DBN1: variants seen among roughly 807,000 people sequenced by gnomAD.
DBN1 encodes the protein drebrin 1, also known as drebrin.
A neutral mutation model predicts 83.5 loss-of-function variants in DBN1; 21 were observed. The observed-to-expected ratio is 0.25, with a 90% CI of 0.18 to 0.36. The LOEUF is 0.36. Ranked by LOEUF, DBN1 falls within the 10% of genes least tolerant of loss-of-function variation. DBN1 has a pLI of 1.00. For synonymous variants in DBN1, 381 were observed against 384.9 expected, an observed-to-expected ratio of 0.99 and a Z score of 0.12; for missense variants, 874 against 935.7, an observed-to-expected ratio of 0.93 and a Z score of 0.86.
In DBN1 at chr5:177,467,357, A is replaced by C; in HGVS notation, c.478-25T>G. On this transcript the variant is annotated intron_variant, in intron 5 of 14. Transcript: ENST00000393565. The surrounding 1 kb of genome is among the most constrained non-coding windows in gnomAD (Gnocchi z 9.1). The stretch of plus-strand genomic sequence containing the variant: ...CCTGCAGTGTCGAAGGACCCAGCAT[A>C]AGCAGGCTGAATGCCCCAGGAACCC... The C allele has an allele frequency of 6.2e-7, 1 of 1,614,010 alleles. No homozygotes were observed. Among genetic ancestry groups the C allele is most frequent in the Non-Finnish European group, 8.5e-7 (1 of 1,179,910 alleles).
Position 177,458,407 on chromosome 5 carries a change from A to G in DBN1, c.1565T>C (p.Ile522Thr), listed in dbSNP as rs765842985. 9 of 1,614,020 alleles carry G rather than the reference A, an allele frequency of 5.6e-6. No homozygotes were observed. Among genetic ancestry groups the G allele is most frequent in the Middle Eastern group, 3.3e-4 (2 of 6,084 alleles). Residue 522 changes from isoleucine to threonine, a missense_variant, in exon 13 of 15, where the codon ATT becomes ACT. Physicochemically the swap from Ile to Thr is moderately conservative, Grantham distance 89. Around this residue, in one of 4 missense-constraint regions of DBN1, gnomAD observed 725 missense variants for 719.7 expected, o/e 1.01. Coordinates refer to ENST00000393565, the MANE Select transcript of DBN1 (RefSeq NM_001363541.2). ...TTCCCCGTTGCCAGGCCATAGGTCA[A>G]TGAGGCTGGTGGCGGCGGGGGGTAC... ...NNVPPAATSL[I>T]DLWPGNGEGA...
chr5:177,468,715 G>A (rs530064360), intron 2 of DBN1, 129 bp downstream of exon 2: 255 of 547,456 alleles, frequency 4.7e-4, no homozygotes, highest in Non-Finnish European at 6.4e-4. Flanking sequence ...AAGGACACCC[G>A]CCAGATCCAG....
intron 1 of DBN1, chr5:177,472,041 A>G: frequency 1.3e-6 from 2 of 1,496,218 alleles, no homozygotes; most frequent in East Asian, 2.5e-5. Flanking sequence ...CCATGATCTC[A>G]GCCCCCCTGG....
rs1756523175 is a variant in DBN1, at chr5:177,456,769, C to A, written c.*664G>T. The A allele has an allele frequency of 6.6e-6, 1 of 152,624 alleles. No individual in the cohort carries two copies. Among genetic ancestry groups the A allele is most frequent in the South Asian group, 2.0e-4 (1 of 4,956 alleles). The allele number at this position is 152,624 out of a possible 1,614,324, so 9.5% of individuals were successfully genotyped here. On this transcript the variant is annotated 3_prime_UTR_variant, in exon 15 of 15. Transcript: ENST00000393565. ...AGTTGGGGAGGGGCCACCAAAGCCC[C>A]TGGGCCCCATCCATAGCCCTGACCT... is the stretch of plus-strand genomic sequence containing the variant.
intron 1 of DBN1, chr5:177,472,047 C>G: frequency 2.6e-6 from 4 of 1,516,998 alleles, no homozygotes; most frequent in East Asian, 2.5e-5. Flanking sequence ...TCTCAGCCCC[C>G]CTGGGGCAGG....
Position 177,458,257 on chromosome 5 carries a change from C to A in DBN1, c.1715G>T (p.Gly572Val), listed in dbSNP as rs1561676199. 6.2e-7 allele frequency: 1 copy of A among 1,613,708 alleles called. No individual in the cohort carries two copies. The highest frequency in any genetic ancestry group is 1.7e-5 in the Admixed American group (1 of 60,018). Residue 572 changes from glycine (G) to valine (V), a missense_variant, in exon 13 of 15, where the codon GGC becomes GTC. Gly to Val is a moderately radical substitution (Grantham distance 109, BLOSUM62 -3). Transcript: ENST00000393565. ...APEPLLPAGE[G>V]CATLLNFDEL... is the part of the protein sequence containing the mutation. ...ATCAAAGTTGAGAAGGGTGGCACAG[C>A]CTTCGCCTGCTGGCAGCAGTGGCTC...
At position 177,468,166 on chromosome 5, in the gene DBN1, C is replaced by A. The variant is rs751016958; in HGVS notation, c.197G>T (p.Gly66Val). The change falls in exon 3 of 15, where the codon GGC (glycine) becomes GTC (valine). Residue 66 changes from glycine (G) to valine (V), a missense_variant. By Grantham distance (109) the Gly-to-Val change is moderately radical. Around this residue, in one of 4 missense-constraint regions of DBN1, gnomAD observed 82 missense variants for 101.7 expected, o/e 0.81. Coordinates refer to ENST00000393565, the MANE Select transcript of DBN1 (RefSeq NM_001363541.2). ...TTGGGAGTCCTTGACACTGCAGAAGCCGTACATCACCTTCTGGTTCTCAAA... is the reference window on the plus strand; with the variant it reads ...TTGGGAGTCCTTGACACTGCAGAAGACGTACATCACCTTCTGGTTCTCAAA... ...GHFENQKVMYGFCSVKDSQAA... is the reference protein window; with the variant it reads ...GHFENQKVMYVFCSVKDSQAA... The A allele has an allele frequency of 6.2e-7, 1 of 1,614,180 alleles. No homozygotes were observed. Among genetic ancestry groups the A allele is most frequent in the South Asian group, 1.1e-5 (1 of 91,084 alleles).
At chr5:177,460,235 A>C (rs1488133450) in intron 10 of DBN1, among the ~76,000 whole-genome samples, 197 bp downstream of exon 10, 1 of 152,210 alleles carries the variant, frequency 6.6e-6, no homozygotes, top group Non-Finnish European at 1.5e-5. Flanking sequence ...GTTCAGCCAC[A>C]AGCGACTTCA....
chr5:177,462,084 T>A, intron 8 of DBN1: 6 of 297,770 alleles, frequency 2.0e-5, no homozygotes, highest in Non-Finnish European at 3.0e-5. Flanking sequence ...GGCCCCACCA[T>A]CGCCTACTGG....
rs1484137317 is a variant in DBN1, at chr5:177,457,880, G to A, written c.1915-123C>T. 4 of 1,027,728 alleles carry A rather than the reference G, an allele frequency of 3.9e-6. No homozygotes were observed. In the African/African-American group the frequency reaches 6.5e-5, roughly 17 times the overall value. 63.7% of individuals were successfully genotyped at this position (1,027,728 alleles called of 1,614,324 possible). ...CAGTGGTTGCCAGGGAAACAAGGAT[G>A]CCTGCCTTGGGAACAAAAGCAGAGC... On this transcript the variant is annotated intron_variant, in intron 13 of 14. Transcript: ENST00000393565.
chr5:177,458,794 C>A, intron 12 of DBN1, 87 bp from the exon 13 acceptor site: 1 of 1,278,238 alleles, frequency 7.8e-7, no homozygotes, highest in Non-Finnish European at 1.0e-6. Context: ...AGTGAGGGAG[C>A]CAGGGACTTC....
intron 1 of DBN1, among the ~76,000 whole-genome samples, chr5:177,469,627 T>G (rs780978718): frequency 8.5e-5 from 13 of 152,144 alleles, no homozygotes; most frequent in Non-Finnish European, 1.8e-4. Context: ...GGCCTTTCCT[T>G]CTGTCTGAGC....
rs759263711 is a variant in DBN1 at position 177,466,990 on chromosome 5, G to A, written c.628C>T (p.Arg210Trp). Residue 210 changes from arginine (R) to tryptophan (W), a missense_variant, in exon 7 of 15, where the codon CGG becomes TGG. Arg to Trp is a moderately radical substitution (Grantham distance 101, BLOSUM62 -3). This residue lies in a region of DBN1 where 725 missense variants were observed against 719.7 expected (regional missense o/e 1.01). Transcript: ENST00000393565. This position sits in a 1 kb window ranked among gnomAD's most constrained non-coding sequence, Gnocchi z 4.8. ...LDERLRFEQE[R>W]MEQERQEQEE... ...TGCTCCTGCCGCTCCTGCTCCATCC[G>A]CTCCTGCTCGAACCTGAGCCTCTCA... 1.6e-5 allele frequency: 26 copies of A among 1,613,294 alleles called. No homozygotes were observed. Among genetic ancestry groups the A allele is most frequent in the Middle Eastern group, 1.6e-4 (1 of 6,082 alleles).
At chr5:177,465,005 T>C (rs1757340076) in intron 8 of DBN1, among the ~76,000 whole-genome samples, 1 of 152,062 alleles carries the variant, frequency 6.6e-6, no homozygotes, top group African/African-American at 2.4e-5. Context: ...ATACAAAAAA[T>C]TAGCCGGACG....
chr5:177,460,829 G>A, intron 8 of DBN1, 126 bp from the exon 9 acceptor site: 1 of 925,922 alleles, frequency 1.1e-6, no homozygotes, highest in Non-Finnish European at 1.6e-6. Context: ...ACCCAGGCTG[G>A]GGAGCAGTGG....
intron 9 of DBN1, 34 bp from the exon 10 acceptor site, chr5:177,460,589 A>G (rs1444153264): frequency 6.2e-7 from 1 of 1,614,044 alleles, no homozygotes; most frequent in Non-Finnish European, 8.5e-7. Context: ...GGGCTGGGCC[A>G]GGCAAGCTGA....
chr5:177,458,412 G>C lies in DBN1; in HGVS notation c.1560C>G (p.Ser520Arg). Residue 520 changes from serine (S) to arginine (R), a missense_variant, in exon 13 of 15, where the codon AGC (serine) becomes AGG (arginine). Ser to Arg is a moderately radical substitution (Grantham distance 110). Coordinates refer to ENST00000393565, the MANE Select transcript of DBN1 (RefSeq NM_001363541.2). ...VANNVPPAAT[S>R]LIDLWPGNGE... is the part of the protein sequence containing the mutation. Reference sequence around the variant, plus strand: ...CGTTGCCAGGCCATAGGTCAATGAGGCTGGTGGCGGCGGGGGGTACGTTGT... The same window carrying C: ...CGTTGCCAGGCCATAGGTCAATGAGCCTGGTGGCGGCGGGGGGTACGTTGT... 6.2e-7 allele frequency: 1 copy of C among 1,614,192 alleles called. No individual in the cohort carries two copies. The highest frequency in any genetic ancestry group is 8.5e-7 in the Non-Finnish European group (1 of 1,180,018).
At position 177,457,150 on chromosome 5, in the gene DBN1, T is replaced by A; in HGVS notation, c.*283A>T. ...GAGCAGGGAGGACTAAGAGCTACAA[T>A]CTGGACCAGGGAAGGAGGGGTGGAA... On this transcript the variant is annotated 3_prime_UTR_variant, in exon 15 of 15. Coordinates refer to ENST00000393565, the MANE Select transcript of DBN1 (RefSeq NM_001363541.2). 8.1e-6 allele frequency: 4 copies of A among 491,224 alleles called. No homozygotes were observed. Among genetic ancestry groups the A allele is most frequent in the African/African-American group, 3.9e-5 (2 of 51,322 alleles). 30.4% of individuals were successfully genotyped at this position (491,224 alleles called of 1,614,324 possible).
At chr5:177,458,888 C>G (rs529254108) in intron 12 of DBN1, among the ~76,000 whole-genome samples, 181 bp from the exon 13 acceptor site, 4 of 152,194 alleles carry the variant, frequency 2.6e-5, no homozygotes, top group Non-Finnish European at 5.9e-5. Flanking sequence ...GGCCAAGGCC[C>G]GATTCCCACT....
Sources: gnomAD v4.1 joint callset for allele counts (sites outside exome capture counted in the v4.1 genomes callset) on GRCh38, gnomAD v4.1.1 for gene constraint, gnomAD v4.1.1 regional missense constraint, Gnocchi (gnomAD v3.1) non-coding constraint, MANE v1.5 for transcripts, NCBI Gene and HGNC (gene_info 2026-07-23, HGNC 2026-07-21) for gene names.